The following BBS9 variants were observed in gnomAD, a reference collection of about 807,000 sequenced individuals.
BBS9 encodes Bardet-Biedl syndrome 9.
A neutral mutation model predicts 117.7 loss-of-function variants in BBS9; 89 were observed. That is an observed-to-expected ratio of 0.76 (90% CI 0.64 to 0.90). The LOEUF (loss-of-function observed/expected upper bound fraction) is 0.90. Among genes scored for constraint, BBS9 ranks in the 40% least tolerant of loss-of-function variants. The pLI, the probability that BBS9 is intolerant of heterozygous loss-of-function variation, is 0.00. For synonymous variants in BBS9, 379 were observed against 370.9 expected, an observed-to-expected ratio of 1.02 and a Z score of -0.25; for missense variants, 982 against 1,042.2, an observed-to-expected ratio of 0.94 and a Z score of 0.80.
At chr7:33,409,503 A>G (rs926853273) in intron 19 of BBS9, among the ~76,000 whole-genome samples, 6 of 152,080 alleles carry the variant, frequency 3.9e-5, no homozygotes, top group African/African-American at 7.2e-5. Context: ...ATTATCTTCT[A>G]TTGGTCTATG....
chr7:33,301,339 C>T (rs979838339), intron 9 of BBS9, among the ~76,000 whole-genome samples: 4 of 151,808 alleles, frequency 2.6e-5, no homozygotes, highest in Non-Finnish European at 4.4e-5. Flanking sequence ...TATCATCTTC[C>T]TTGTATGCCA....
intron 20 of BBS9, among the ~76,000 whole-genome samples, chr7:33,524,210 C>G (rs1318875305): frequency 1.3e-5 from 2 of 149,988 alleles, no homozygotes; most frequent in African/African-American, 2.5e-5. Context: ...CTAAAATTCT[C>G]TTTTTTGGTT....
intron 19 of BBS9, among the ~76,000 whole-genome samples, chr7:33,390,853 A>G (rs1180200130): frequency 2.0e-5 from 3 of 152,188 alleles, no homozygotes; most frequent in Non-Finnish European, 4.4e-5. Context: ...GGCTAAAGAA[A>G]AACTCCATAA....
At chr7:33,465,156 A>G (rs979123708) in intron 19 of BBS9, among the ~76,000 whole-genome samples, 1 of 151,786 alleles carries the variant, frequency 6.6e-6, no homozygotes, top group African/African-American at 2.4e-5. Context: ...TGCAGCATGT[A>G]GAGATGGGAT....
At chr7:33,552,668 C>T (rs1854622331) in intron 21 of BBS9, among the ~76,000 whole-genome samples, 1 of 152,190 alleles carries the variant, frequency 6.6e-6, no homozygotes, top group Admixed American at 6.6e-5. Flanking sequence ...TCATTCCCAA[C>T]AGAAGTTAAT....
intron 21 of BBS9, among the ~76,000 whole-genome samples, chr7:33,618,996 A>G (rs186954811): frequency 6.6e-6 from 1 of 152,290 alleles, no homozygotes; most frequent in Admixed American, 6.5e-5. Context: ...ACAAAATGGC[A>G]ATAGAAGTCC....
At chr7:33,433,407 C>T (rs892487066) in intron 19 of BBS9, among the ~76,000 whole-genome samples, 3 of 152,132 alleles carry the variant, frequency 2.0e-5, no homozygotes, top group African/African-American at 7.2e-5. Flanking sequence ...GGCAGAGTTG[C>T]AATAATTTTC....
At chr7:33,279,334 C>G (rs1324866016) in intron 9 of BBS9, among the ~76,000 whole-genome samples, 8 of 152,222 alleles carry the variant, frequency 5.3e-5, no homozygotes, top group African/African-American at 1.7e-4. Context: ...CCTTGGCCTC[C>G]CCAAGTGCTG....
At chr7:33,217,429 T>C (rs1289074218) in intron 5 of BBS9, among the ~76,000 whole-genome samples, 1 of 152,178 alleles carries the variant, frequency 6.6e-6, no homozygotes, top group Non-Finnish European at 1.5e-5. Flanking sequence ...TGAGCCATAA[T>C]TATATCTACG....
chr7:33,261,880 G>C (rs1424046516), intron 6 of BBS9, among the ~76,000 whole-genome samples: 1 of 152,104 alleles, frequency 6.6e-6, no homozygotes, highest in Non-Finnish European at 1.5e-5. Flanking sequence ...TTGTTACATT[G>C]GCCCTGATTA....
intron 14 of BBS9, chr7:33,351,594 T>C (rs1354611014): frequency 4.4e-6 from 2 of 449,996 alleles, no homozygotes; most frequent in Non-Finnish European, 8.2e-6. Flanking sequence ...AAGAATGTTA[T>C]CTAGTCAGAC....
intron 21 of BBS9, among the ~76,000 whole-genome samples, chr7:33,537,412 C>CT (rs1447068588): frequency 6.6e-6 from 1 of 152,190 alleles, no homozygotes; most frequent in Non-Finnish European, 1.5e-5. Flanking sequence ...TACCAATTCT[C>CT]TATCAGTTTT....
intron 1 of BBS9, among the ~76,000 whole-genome samples, chr7:33,136,216 A>C (rs555211495): frequency 1.2e-4 from 18 of 152,292 alleles, no homozygotes; most frequent in African/African-American, 3.9e-4. Context: ...ATATCCTGCA[A>C]CCTTGCTTAA....
intron 5 of BBS9, among the ~76,000 whole-genome samples, chr7:33,248,604 C>A (rs1795737475): frequency 1.3e-5 from 2 of 152,254 alleles, no homozygotes; most frequent in South Asian, 4.1e-4. Context: ...GTTTTTAAGG[C>A]AGTATCTGTT....
At chr7:33,450,052 C>T (rs778100097) in intron 19 of BBS9, among the ~76,000 whole-genome samples, 33 of 152,190 alleles carry the variant, frequency 2.2e-4, no homozygotes, top group Admixed American at 7.9e-4. Flanking sequence ...CGGCCCCTGA[C>T]AACCACCATT....
intron 4 of BBS9, among the ~76,000 whole-genome samples, chr7:33,171,026 G>T (rs1001756789): frequency 6.7e-6 from 1 of 149,964 alleles, no homozygotes; most frequent in African/African-American, 2.4e-5. Flanking sequence ...TGGCCATACT[G>T]CCCAAGGTAA....
At chr7:33,436,995 A>G (rs1251301497) in intron 19 of BBS9, among the ~76,000 whole-genome samples, 1 of 152,214 alleles carries the variant, frequency 6.6e-6, no homozygotes, top group African/African-American at 2.4e-5. Flanking sequence ...AGATTTGTAC[A>G]TGAGTGAGGA....
downstream of BBS9, among the ~76,000 whole-genome samples, chr7:33,608,941 G>A (rs1008284286): frequency 2.0e-5 from 3 of 152,124 alleles, no homozygotes; most frequent in African/African-American, 7.2e-5. Flanking sequence ...TAAGACCAAT[G>A]TCCAGAATGA....
chr7:33,490,926 G>A lies in BBS9; in HGVS notation c.2116-14537G>A, dbSNP rs139219113. On this transcript the variant is annotated intron_variant, in intron 19 of 22. Transcript: ENST00000242067. Reference sequence around the variant, plus strand: ...TGGGCTTTGTTGGGTAGCCAGTCCTGGGTTTGAATCTTGCTGCATGACTGT... The same window carrying A: ...TGGGCTTTGTTGGGTAGCCAGTCCTAGGTTTGAATCTTGCTGCATGACTGT... 3.0e-3 allele frequency among the ~76,000 whole-genome samples: 451 copies of A among 152,258 alleles called. 7 individuals carry two copies. The highest frequency in any genetic ancestry group is 3.7e-3 in the East Asian group (19 of 5,168).
Sources: allele counts gnomAD v4.1 joint callset (sites outside exome capture counted in the v4.1 genomes callset), GRCh38; gene constraint gnomAD v4.1.1; transcripts MANE v1.5; gene names NCBI Gene and HGNC (gene_info 2026-07-23, HGNC 2026-07-21).